CCNI: variants seen among roughly 807,000 people sequenced by gnomAD.
CCNI encodes the protein cyclin-I.
CCNI carries 14 observed loss-of-function variants against 34.1 expected under a neutral mutation model. The ratio of observed to expected loss-of-function variants is 0.41; its 90% CI spans 0.27 to 0.64. The LOEUF (loss-of-function observed/expected upper bound fraction) is 0.64, where lower values mean the gene tolerates loss of function less well. CCNI is among the 30% of genes least tolerant of loss of function. CCNI has a pLI of 0.31. For synonymous variants in CCNI, 154 were observed against 158.4 expected, an observed-to-expected ratio of 0.97 and a Z score of 0.21; for missense variants, 385 against 440.5, an observed-to-expected ratio of 0.87 and a Z score of 1.13.
chr4:77,069,430 T>C (rs1377485784), intron 1 of CCNI, among the ~76,000 whole-genome samples: 4 of 134,464 alleles, frequency 3.0e-5, no homozygotes, highest in Non-Finnish European at 6.3e-5. Context: ...ATATCATTTT[T>C]ATATATATAT....
chr4:77,066,733 T>C (rs1384028662), intron 1 of CCNI, among the ~76,000 whole-genome samples: 1 of 152,208 alleles, frequency 6.6e-6, no homozygotes, highest in Non-Finnish European at 1.5e-5. Flanking sequence ...GAAGTAGTTA[T>C]TCCAAACATT....
intron 2 of CCNI, chr4:77,064,658 G>A (rs2109829552): frequency 6.6e-6 from 1 of 150,702 alleles, no homozygotes; most frequent in South Asian, 2.1e-4. Context: ...TTAGGAAAAG[G>A]ATCGAATTAT....
chr4:77,051,079 A>G (rs1351949867), intron 6 of CCNI, among the ~76,000 whole-genome samples: 1 of 152,184 alleles, frequency 6.6e-6, no homozygotes, highest in Non-Finnish European at 1.5e-5. Flanking sequence ...ATAATACCTA[A>G]CAGAATGCCT....
chr4:77,071,766 G>C (rs1729483269), intron 1 of CCNI, among the ~76,000 whole-genome samples: 1 of 151,992 alleles, frequency 6.6e-6, no homozygotes, highest in East Asian at 1.9e-4. Flanking sequence ...CCAGTTCCCA[G>C]AAATACAAAA....
chr4:77,075,451 G>C (rs1251094409), intron 1 of CCNI, 21 bp downstream of exon 1: 77 of 644,726 alleles, frequency 1.2e-4, no homozygotes, highest in Non-Finnish European at 1.3e-4. Flanking sequence ...TCGAGCCCCC[G>C]CCCCCGCCCC....
chr4:77,065,675 T>A (rs188132342), intron 2 of CCNI, among the ~76,000 whole-genome samples: 16 of 152,302 alleles, frequency 1.1e-4, no homozygotes, highest in South Asian at 2.1e-4. Context: ...TTAGTATAGA[T>A]TATGATGAAA....
At chr4:77,055,019 C>T in intron 6 of CCNI, 131 bp downstream of exon 6, 1 of 608,032 alleles carries the variant, frequency 1.6e-6, no homozygotes. Flanking sequence ...AAAATATATA[C>T]TTTACTCTTG....
chr4:77,068,320 TGAAAAGAC>T (rs1729201405), intron 1 of CCNI, among the ~76,000 whole-genome samples: 2 of 152,128 alleles, frequency 1.3e-5, no homozygotes, highest in South Asian at 4.1e-4. Flanking sequence ...GCAATAATAA[TGAAAAGAC>T]TGGATAGGGA....
intron 6 of CCNI, among the ~76,000 whole-genome samples, chr4:77,049,942 A>G (rs1044645187): frequency 1.3e-5 from 2 of 152,076 alleles, no homozygotes; most frequent in East Asian, 3.9e-4. Flanking sequence ...AGCATCATAT[A>G]TTCCTTCCCT....
chr4:77,071,106 G>T (rs924269417), intron 1 of CCNI, among the ~76,000 whole-genome samples: 1 of 152,130 alleles, frequency 6.6e-6, no homozygotes, highest in Non-Finnish European at 1.5e-5. Context: ...ATTTTTAGGG[G>T]GTTTAGATGG....
chr4:77,074,397 C>G (rs1353679733), intron 1 of CCNI, among the ~76,000 whole-genome samples: 1 of 152,230 alleles, frequency 6.6e-6, no homozygotes, highest in Non-Finnish European at 1.5e-5. Flanking sequence ...CCAATCCTTT[C>G]TATTTCATCT....
At chr4:77,071,837 G>GA (rs1390784221) in intron 1 of CCNI, among the ~76,000 whole-genome samples, 6 of 151,744 alleles carry the variant, frequency 4.0e-5, no homozygotes, top group Admixed American at 3.3e-4. Flanking sequence ...AACAAAAACA[G>GA]AAAAAAAGAA....
At chr4:77,073,280 T>A (rs931675577) in intron 1 of CCNI, among the ~76,000 whole-genome samples, 1 of 152,236 alleles carries the variant, frequency 6.6e-6, no homozygotes, top group Admixed American at 6.5e-5. Context: ...AATAGCTTAA[T>A]GTCTGAGGTA....
intron 1 of CCNI, chr4:77,075,091 CGTT>C (rs1729800572): frequency 6.6e-6 from 1 of 152,014 alleles, no homozygotes; most frequent in Non-Finnish European, 1.5e-5. Context: ...CCCGGAGAAT[CGTT>C]CAACCTGAGG....
chr4:77,052,360 G>A (rs1727915620), intron 6 of CCNI, among the ~76,000 whole-genome samples: 2 of 152,084 alleles, frequency 1.3e-5, no homozygotes. Flanking sequence ...CTACTGCCCA[G>A]CTAGGAACTA....
rs4241598 is a variant in CCNI, at chr4:77,047,815, C to T, written c.*404G>A. The T allele has an allele frequency of 0.099, 16,863 of 169,706 alleles. 1,092 individuals are homozygous for T. Among genetic ancestry groups the T allele is most frequent in the African/African-American group, 0.17 (7,138 of 41,642 alleles). The allele number at this position is 169,706 out of a possible 1,614,324, so 10.5% of individuals were successfully genotyped here. On this transcript the variant is annotated 3_prime_UTR_variant, in exon 7 of 7. Transcript: ENST00000237654. ...GATCAACATGCATAAAGTTCAGTAA[C>T]TATTAAATGGAGAAGCAAGCAAAAG...
rs145183332 is a variant in CCNI, at chr4:77,048,086, A to AT, written c.*132dup. The AT allele has an allele frequency of 0.03, 14,713 of 490,526 alleles. 43 individuals are homozygous for AT. Among genetic ancestry groups the AT allele is most frequent in the African/African-American group, 0.052 (2,526 of 49,040 alleles). The allele number at this position is 490,526 out of a possible 1,614,324, so 30.4% of individuals were successfully genotyped here. A position where few individuals can be genotyped will look rare whatever the true frequency, so the allele number is the denominator to read the frequency against. On this transcript the variant is annotated 3_prime_UTR_variant, in exon 7 of 7. Coordinates refer to ENST00000237654, the MANE Select transcript of CCNI (RefSeq NM_006835.3). ...TAGCCACACAAATAATGAGAGTTTTATTTTTTTTTTCTGGCTCACTCCAAA... is the reference window on the plus strand; with the variant it reads ...TAGCCACACAAATAATGAGAGTTTTATTTTTTTTTTTCTGGCTCACTCCAAA...
intron 2 of CCNI, among the ~76,000 whole-genome samples, chr4:77,063,726 G>A (rs1728800329): frequency 6.7e-6 from 1 of 150,182 alleles, no homozygotes; most frequent in African/African-American, 2.4e-5. Flanking sequence ...AAGTGTCCCT[G>A]GGGGTTACCC....
chr4:77,066,288 C>G lies in CCNI; in HGVS notation c.75G>C (p.Gln25His). 6.2e-7 allele frequency: 1 copy of G among 1,614,146 alleles called. No homozygotes were observed. The highest frequency in any genetic ancestry group is 8.5e-7 in the Non-Finnish European group (1 of 1,179,986). The change falls in exon 2 of 7, where the codon CAG becomes CAC. Residue 25 changes from glutamine to histidine, a missense_variant. Gln to His is a conservative substitution (Grantham distance 24). Around this residue, in one of 2 missense-constraint regions of CCNI, gnomAD observed 135 missense variants for 191.8 expected, o/e 0.70. Coordinates refer to ENST00000237654, the MANE Select transcript of CCNI (RefSeq NM_006835.3). ...TTTTCCGCACATTCACTTTCCACAT[C>G]TGTGCTTCCCTAGTGATTGCCTTTT... ...LLEKAITREA[Q>H]MWKVNVRKMP... is the part of the protein sequence containing the mutation.
Sources: gnomAD v4.1 joint callset for allele counts (sites outside exome capture counted in the v4.1 genomes callset) on GRCh38, gnomAD v4.1.1 for gene constraint, gnomAD v4.1.1 regional missense constraint, MANE v1.5 for transcripts, NCBI Gene and HGNC (gene_info 2026-07-23, HGNC 2026-07-21) for gene names.